Variants in FGF14 observed in about 807,000 individuals in gnomAD.
The protein encoded by FGF14 is fibroblast growth factor 14.
FGF14 carries 5 observed loss-of-function variants against 25.5 expected under a neutral mutation model. The ratio of observed to expected loss-of-function variants is 0.20; its 90% CI spans 0.10 to 0.41. The LOEUF is 0.41. FGF14 is among the 10% of genes least tolerant of loss of function. The pLI is 1.00. For synonymous variants in FGF14, 138 were observed against 118.3 expected, an observed-to-expected ratio of 1.17 and a Z score of -1.08; for missense variants, 222 against 320.1, an observed-to-expected ratio of 0.69 and a Z score of 2.34.
intron 1 of FGF14, among the ~76,000 whole-genome samples, chr13:102,214,648 G>C (rs1555379953): frequency 6.6e-6 from 1 of 152,168 alleles, no homozygotes; most frequent in Non-Finnish European, 1.5e-5. Context: ...TCCTCTCACT[G>C]TGTTGTTAAG....
At chr13:101,844,132 T>C (rs957550786) in intron 3 of FGF14, among the ~76,000 whole-genome samples, 2 of 151,962 alleles carry the variant, frequency 1.3e-5, no homozygotes, top group African/African-American at 4.8e-5. Context: ...TTGCCACAAA[T>C]ATCAGGACAC....
intron 1 of FGF14, among the ~76,000 whole-genome samples, chr13:101,895,148 CCTTTT>C (rs2030441027): frequency 6.6e-6 from 1 of 152,130 alleles, no homozygotes; most frequent in Non-Finnish European, 1.5e-5. Context: ...AAGTGTACAT[CCTTTT>C]CTTGTCATGT....
intron 1 of FGF14, among the ~76,000 whole-genome samples, chr13:102,242,181 T>G (rs1477806161): frequency 6.6e-6 from 1 of 152,094 alleles, no homozygotes; most frequent in African/African-American, 2.4e-5. Flanking sequence ...CTCACAGAGG[T>G]TCTACTCTTA....
At chr13:102,376,561 G>A (rs538417055) in intron 1 of FGF14, among the ~76,000 whole-genome samples, 3 of 152,178 alleles carry the variant, frequency 2.0e-5, no homozygotes, top group Admixed American at 2.0e-4. Flanking sequence ...GGCCTCCTTT[G>A]TGAGTAGTAT....
intron 3 of FGF14, among the ~76,000 whole-genome samples, chr13:101,859,542 C>A (rs909032529): frequency 2.6e-5 from 4 of 152,076 alleles, no homozygotes; most frequent in Non-Finnish European, 4.4e-5. Flanking sequence ...CATTAATATA[C>A]ACTTTGATAC....
intron 1 of FGF14, among the ~76,000 whole-genome samples, chr13:102,161,605 AAGAAGAAGAAGAAGAAGAAGAAG>A (rs2047681669): frequency 7.6e-4 from 4 of 5,244 alleles, no homozygotes; most frequent in Non-Finnish European, 1.4e-3. Flanking sequence ...GAAGAAGAAG[AAGAAGAAGAAGAAGAAGAAGAAG>A]AAGAAGAAGA....
intron 1 of FGF14, among the ~76,000 whole-genome samples, chr13:101,914,896 A>AG (rs1435144001): frequency 6.6e-6 from 1 of 152,226 alleles, no homozygotes; most frequent in African/African-American, 2.4e-5. Flanking sequence ...GCACAATTTA[A>AG]GTCATAATAG....
chr13:102,135,241 G>A (rs775953681), intron 1 of FGF14, among the ~76,000 whole-genome samples: 1 of 152,032 alleles, frequency 6.6e-6, no homozygotes, highest in African/African-American at 2.4e-5. Flanking sequence ...CAGGATAAAA[G>A]TCACAGAAAT....
chr13:102,331,783 A>G (rs949681672), intron 1 of FGF14, among the ~76,000 whole-genome samples: 1 of 152,186 alleles, frequency 6.6e-6, no homozygotes, highest in East Asian at 1.9e-4. Flanking sequence ...TCGAATTGGT[A>G]GTATAGCATC....
At chr13:101,905,159 T>A (rs976197175) in intron 1 of FGF14, among the ~76,000 whole-genome samples, 1 of 152,164 alleles carries the variant, frequency 6.6e-6, no homozygotes, top group East Asian at 1.9e-4. Context: ...TTCTGCAGGG[T>A]GGCCATCATT....
intron 3 of FGF14, among the ~76,000 whole-genome samples, chr13:101,736,047 A>G (rs546867837): frequency 6.6e-6 from 1 of 152,326 alleles, no homozygotes; most frequent in East Asian, 1.9e-4. Context: ...TGTTTGACAA[A>G]TACTCAGGCA....
At chr13:102,269,176 T>C (rs2053132176) in intron 1 of FGF14, among the ~76,000 whole-genome samples, 1 of 152,188 alleles carries the variant, frequency 6.6e-6, no homozygotes, top group Non-Finnish European at 1.5e-5. Context: ...CAAAAGCCAC[T>C]AAGTCCTAGG....
At chr13:101,943,899 G>A (rs1015740870) in intron 1 of FGF14, among the ~76,000 whole-genome samples, 4 of 149,384 alleles carry the variant, frequency 2.7e-5, no homozygotes, top group Admixed American at 2.0e-4. Flanking sequence ...GTACTGGGGA[G>A]GCTGAGGCAG....
chr13:102,034,741 C>T (rs571616587), intron 1 of FGF14, among the ~76,000 whole-genome samples: 5 of 152,260 alleles, frequency 3.3e-5, no homozygotes, highest in African/African-American at 1.2e-4. Context: ...GGTCCTGCCC[C>T]TCACAGGGAT....
intron 1 of FGF14, among the ~76,000 whole-genome samples, chr13:102,100,497 A>G (rs1445224837): frequency 6.6e-6 from 1 of 152,208 alleles, no homozygotes; most frequent in Non-Finnish European, 1.5e-5. Context: ...CCAGCATGTC[A>G]GGTGCACAGA....
chr13:102,090,547 T>A (rs1237161820), intron 1 of FGF14, among the ~76,000 whole-genome samples: 1 of 152,144 alleles, frequency 6.6e-6, no homozygotes, highest in Admixed American at 6.5e-5. Flanking sequence ...AACCATTGTG[T>A]TTAAGTTTAA....
At chr13:102,025,298 T>C (rs73565747) in intron 1 of FGF14, among the ~76,000 whole-genome samples, 4,847 of 151,914 alleles carry the variant, frequency 0.032, 250 homozygotes, top group African/African-American at 0.11. Context: ...TACTGACATA[T>C]TGACATGTTA....
chr13:101,756,912 C>T (rs541302311), intron 3 of FGF14, among the ~76,000 whole-genome samples: 2 of 152,130 alleles, frequency 1.3e-5, no homozygotes, highest in African/African-American at 4.8e-5. Context: ...ATAAAAAGTG[C>T]TCAGAATACA....
chr13:102,330,933 T>C (rs2056616001), intron 1 of FGF14, among the ~76,000 whole-genome samples: 1 of 152,202 alleles, frequency 6.6e-6, no homozygotes, highest in South Asian at 2.1e-4. Flanking sequence ...CCAATAAATA[T>C]GTGTTAAATA....
Sources: gnomAD v4.1 joint callset for allele counts (sites outside exome capture counted in the v4.1 genomes callset) on GRCh38, gnomAD v4.1.1 for gene constraint, MANE v1.5 for transcripts, NCBI Gene and HGNC (gene_info 2026-07-23, HGNC 2026-07-21) for gene names.